Variants in FBXL17 observed in about 807,000 individuals in gnomAD.
The protein encoded by FBXL17 is F-box and leucine rich repeat protein 17, also known as F-box/LRR-repeat protein 17.
Under a neutral mutation model 66.2 loss-of-function variants are expected in FBXL17, and 22 were observed. That is an observed-to-expected ratio of 0.33 (90% CI 0.24 to 0.47). FBXL17 has a LOEUF of 0.47. FBXL17 is among the 20% of genes least tolerant of loss of function. The pLI is 1.00. For synonymous variants in FBXL17, 474 were observed against 400.5 expected, an observed-to-expected ratio of 1.18 and a Z score of -2.19; for missense variants, 878 against 948.2, an observed-to-expected ratio of 0.93 and a Z score of 0.97.
At chr5:108,098,389 G>A (rs1018738301) in intron 6 of FBXL17, among the ~76,000 whole-genome samples, 18 of 151,938 alleles carry the variant, frequency 1.2e-4, no homozygotes, top group African/African-American at 4.4e-4. Flanking sequence ...TAAAAATAAA[G>A]GCTTTGATTT....
chr5:108,186,349 T>C, intron 5 of FBXL17, 102 bp from the exon 6 acceptor site: 1 of 900,760 alleles, frequency 1.1e-6, no homozygotes. Flanking sequence ...CACTGTAAAA[T>C]ATTTAAAACA....
At chr5:108,333,148 G>GTATATATATATATATATATATA (rs145030445) in intron 4 of FBXL17, among the ~76,000 whole-genome samples, 5 of 136,570 alleles carry the variant, frequency 3.7e-5, no homozygotes, top group African/African-American at 1.5e-4. Context: ...AGAAATACCA[G>GTATATATATATATATATATATA]TATATATATA....
intron 6 of FBXL17, among the ~76,000 whole-genome samples, chr5:108,146,702 T>C (rs1361592169): frequency 6.6e-6 from 1 of 152,136 alleles, no homozygotes; most frequent in Non-Finnish European, 1.5e-5. Flanking sequence ...AAAAACTATC[T>C]AAACTATCTC....
intron 6 of FBXL17, among the ~76,000 whole-genome samples, chr5:108,130,748 A>G (rs1446217953): frequency 3.3e-5 from 5 of 152,134 alleles, no homozygotes; most frequent in Non-Finnish European, 7.4e-5. Flanking sequence ...ACTGCATAAG[A>G]TTTATGGGCT....
At chr5:108,001,029 C>T (rs1286669327) in intron 7 of FBXL17, among the ~76,000 whole-genome samples, 4 of 152,100 alleles carry the variant, frequency 2.6e-5, no homozygotes, top group Non-Finnish European at 5.9e-5. Flanking sequence ...AATAGCTGTG[C>T]ACTTATTAAA....
intron 6 of FBXL17, among the ~76,000 whole-genome samples, chr5:108,081,610 C>G (rs985754593): frequency 6.6e-5 from 10 of 152,182 alleles, no homozygotes; most frequent in Admixed American, 3.9e-4. Flanking sequence ...GTAGTCCCAG[C>G]TACTCGGGAG....
intron 5 of FBXL17, among the ~76,000 whole-genome samples, chr5:108,192,951 G>C (rs192853396): frequency 6.6e-6 from 1 of 152,286 alleles, no homozygotes; most frequent in African/African-American, 2.4e-5. Flanking sequence ...CCTTAGCAAA[G>C]GCAGCATGGA....
At chr5:108,281,557 CATTAA>C (rs1757701893) in intron 4 of FBXL17, among the ~76,000 whole-genome samples, 1 of 151,750 alleles carries the variant, frequency 6.6e-6, no homozygotes. Context: ...AGGTTTATTG[CATTAA>C]ATGCCTAGAT....
In FBXL17 at chr5:108,315,258, G is replaced by A. The variant is rs921027290; in HGVS notation, c.1506+33141C>T. On this transcript the variant is annotated intron_variant, in intron 4 of 8. Coordinates refer to ENST00000542267, the MANE Select transcript of FBXL17 (RefSeq NM_001163315.3). ...ATCTATGAAATCCAGAGAAGAAGAT[G>A]GAAAGAAAATCAGCTTTAGTAACAT... is the stretch of plus-strand genomic sequence containing the variant. 2.0e-5 allele frequency among the ~76,000 whole-genome samples: 3 copies of A among 150,948 alleles called. No homozygotes were observed. In the South Asian group the frequency reaches 6.3e-4, roughly 31 times the overall value.
chr5:108,088,144 G>A (rs1248307539), intron 6 of FBXL17, among the ~76,000 whole-genome samples: 1 of 152,022 alleles, frequency 6.6e-6, no homozygotes, highest in Non-Finnish European at 1.5e-5. Flanking sequence ...TATAAACCTG[G>A]AGATCAATTG....
chr5:107,861,991 G>A, intron 8 of FBXL17, 131 bp from the exon 9 acceptor site: 1 of 985,042 alleles, frequency 1.0e-6, no homozygotes, highest in Non-Finnish European at 1.4e-6. Context: ...CTAGCGATGT[G>A]AGGAAGGGTT....
intron 7 of FBXL17, among the ~76,000 whole-genome samples, chr5:108,001,579 C>G (rs1046293818): frequency 6.6e-6 from 1 of 152,030 alleles, no homozygotes; most frequent in Admixed American, 6.5e-5. Context: ...CGGCTCACTA[C>G]AAGCTCCACC....
intron 4 of FBXL17, among the ~76,000 whole-genome samples, chr5:108,335,917 A>G (rs905018853): frequency 1.4e-5 from 2 of 143,292 alleles, no homozygotes; most frequent in South Asian, 2.1e-4. Context: ...TCTAGAGGGG[A>G]AAAAAAAACA....
At chr5:108,122,203 A>T (rs1025658152) in intron 6 of FBXL17, among the ~76,000 whole-genome samples, 4 of 152,130 alleles carry the variant, frequency 2.6e-5, no homozygotes, top group African/African-American at 9.6e-5. Flanking sequence ...ATGCACATAT[A>T]TTTGATTCTC....
intron 4 of FBXL17, among the ~76,000 whole-genome samples, chr5:108,289,707 C>T (rs985169573): frequency 1.3e-5 from 2 of 152,084 alleles, no homozygotes; most frequent in African/African-American, 4.8e-5. Context: ...AATCCTGTAA[C>T]TGTGTTTTGG....
At chr5:107,869,819 G>A (rs534611602) in intron 8 of FBXL17, among the ~76,000 whole-genome samples, 3 of 152,278 alleles carry the variant, frequency 2.0e-5, no homozygotes, top group African/African-American at 7.2e-5. Context: ...TCTCTCGTGT[G>A]ATCAGCTTCA....
rs541413498 is a variant in FBXL17 at position 108,173,211 on chromosome 5, A to G, written c.1745+12906T>C. On this transcript the variant is annotated intron_variant, in intron 6 of 8. Coordinates refer to ENST00000542267, the MANE Select transcript of FBXL17 (RefSeq NM_001163315.3). ...GAAGTTTATAAAAGAAGAAAAATAT[A>G]TCCTTATAAAAAGCACATATACTTT... Among the ~76,000 whole-genome samples the G allele has an allele frequency of 1.5e-3, 232 of 152,306 alleles. 1 individual carries two copies. The highest frequency in any genetic ancestry group is 5.5e-3 in the African/African-American group (227 of 41,572).
intron 6 of FBXL17, among the ~76,000 whole-genome samples, chr5:108,025,476 G>A (rs568164549): frequency 3.2e-4 from 49 of 152,114 alleles, no homozygotes; most frequent in African/African-American, 1.1e-3. Context: ...TGGCAAATAA[G>A]TGCATCTGGG....
At chr5:107,964,754 G>C (rs974816336) in intron 7 of FBXL17, among the ~76,000 whole-genome samples, 1 of 152,088 alleles carries the variant, frequency 6.6e-6, no homozygotes, top group African/African-American at 2.4e-5. Context: ...CAACTATATA[G>C]ACAAAAGCTC....
Sources: gnomAD v4.1 joint callset for allele counts (sites outside exome capture counted in the v4.1 genomes callset) on GRCh38, gnomAD v4.1.1 for gene constraint, MANE v1.5 for transcripts, NCBI Gene and HGNC (gene_info 2026-07-23, HGNC 2026-07-21) for gene names.